Variants in CMIP observed in about 807,000 individuals in gnomAD.
CMIP encodes the protein C-Maf-inducing protein.
A neutral mutation model predicts 97.3 loss-of-function variants in CMIP; 13 were observed. The observed-to-expected ratio is 0.13, with a 90% CI of 0.09 to 0.21. The LOEUF is 0.21. Among genes scored for constraint, CMIP ranks in the 10% least tolerant of loss-of-function variants. The pLI, the probability that CMIP is intolerant of heterozygous loss-of-function variation, is 1.00. For synonymous variants in CMIP, 538 were observed against 436.3 expected (o/e 1.23, Z -2.91); for missense variants, 847 against 1,024.9 (o/e 0.83, Z 2.37).
chr16:81,523,209 CG>C (rs2090062666), intron 1 of CMIP, among the ~76,000 whole-genome samples: 1 of 152,198 alleles, frequency 6.6e-6, no homozygotes, highest in African/African-American at 2.4e-5. Context: ...TGTGAGCTAC[CG>C]CGCTTTGCTT....
chr16:81,520,985 T>C (rs2090014545), intron 1 of CMIP, among the ~76,000 whole-genome samples: 1 of 152,160 alleles, frequency 6.6e-6, no homozygotes, highest in Non-Finnish European at 1.5e-5. Context: ...GTGGCATGTG[T>C]CAGAAAAAGG....
At chr16:81,677,069 T>C (rs1040682585) in intron 9 of CMIP, among the ~76,000 whole-genome samples, 1 of 152,210 alleles carries the variant, frequency 6.6e-6, no homozygotes, top group African/African-American at 2.4e-5. Flanking sequence ...AACTGGGCTT[T>C]GGGATGTTTG....
rs1313687928 is a variant in CMIP at position 81,655,006 on chromosome 16, C to T, written c.639+2642C>T. The stretch of plus-strand genomic sequence containing the variant: ...TGTTTTCTGTAAATTGGGTCTGAGA[C>T]GAGTACCTATTTCACAGAATTGAAG... On this transcript the variant is annotated intron_variant, in intron 4 of 20. Coordinates refer to ENST00000537098, the MANE Select transcript of CMIP (RefSeq NM_198390.3). This position sits in a 1 kb window ranked among gnomAD's most constrained non-coding sequence, Gnocchi z 4.9. Among the ~76,000 whole-genome samples, 6 of 152,124 alleles carry T rather than the reference C, an allele frequency of 3.9e-5. No individual in the cohort carries two copies. Among genetic ancestry groups the T allele is most frequent in the African/African-American group, 1.2e-4 (5 of 41,414 alleles).
chr16:81,599,487 C>T (rs1481279366), intron 1 of CMIP, among the ~76,000 whole-genome samples: 4 of 152,336 alleles, frequency 2.6e-5, no homozygotes, highest in Middle Eastern at 3.4e-3. Flanking sequence ...GTCTGAGGAC[C>T]TGCTGCGTGG....
chr16:81,495,468 C>T (rs778918392), intron 1 of CMIP: 16 of 1,612,750 alleles, frequency 9.9e-6, no homozygotes, highest in East Asian at 4.5e-5. Context: ...CCCTGGCGTC[C>T]GGGGAAGGAT....
At chr16:81,686,658 T>C (rs937918870) in intron 10 of CMIP, among the ~76,000 whole-genome samples, 7 of 152,110 alleles carry the variant, frequency 4.6e-5, no homozygotes, top group African/African-American at 1.7e-4. Flanking sequence ...CAGGGTATGA[T>C]TGGGGTTCTG....
chr16:81,521,321 C>T (rs2090022410), intron 1 of CMIP, among the ~76,000 whole-genome samples: 1 of 152,044 alleles, frequency 6.6e-6, no homozygotes, highest in Non-Finnish European at 1.5e-5. Context: ...TGGTGATGGT[C>T]GGCAGTGGCA....
At chr16:81,676,173 G>A (rs1385961051) in intron 9 of CMIP, among the ~76,000 whole-genome samples, 1 of 152,178 alleles carries the variant, frequency 6.6e-6, no homozygotes, top group African/African-American at 2.4e-5. Flanking sequence ...GCTGCCTCGT[G>A]CCAGCCCTGG....
chr16:81,644,077 G>T (rs1235487942), intron 3 of CMIP, among the ~76,000 whole-genome samples: 2 of 152,162 alleles, frequency 1.3e-5, no homozygotes, highest in Admixed American at 6.5e-5. Flanking sequence ...TGACCCTATA[G>T]CCCTGACCTG....
intron 1 of CMIP, among the ~76,000 whole-genome samples, chr16:81,594,105 C>T (rs1323542888): frequency 8.1e-6 from 1 of 123,936 alleles, no homozygotes; most frequent in African/African-American, 3.1e-5. Flanking sequence ...TCCTCCCCCT[C>T]CTCCCCATTC....
In CMIP at chr16:81,520,569, G is replaced by GGGGA. The variant is rs370420453; in HGVS notation, c.300+75029_300+75030insGGAG. On this transcript the variant is annotated intron_variant, in intron 1 of 20. Coordinates refer to ENST00000537098, the MANE Select transcript of CMIP (RefSeq NM_198390.3). ...GAGAGAGGGAGGGAGGGAGGAAGGG[G>GGGGA]GAGAGAGAGAGAGAGAGAGAGAGAG... 119 of 107,002 alleles carry GGGGA rather than the reference G, an allele frequency of 1.1e-3. 2 individuals are homozygous for GGGGA. The highest frequency in any genetic ancestry group is 4.1e-3 in the African/African-American group (94 of 22,986). The allele number at this position is 107,002 out of a possible 1,614,324, so 6.6% of individuals were successfully genotyped here. A position where few individuals can be genotyped will look rare whatever the true frequency, so the allele number is the denominator to read the frequency against.
intron 1 of CMIP, among the ~76,000 whole-genome samples, chr16:81,587,437 G>T (rs904395936): frequency 1.3e-4 from 20 of 152,318 alleles, no homozygotes; most frequent in Admixed American, 9.1e-4. Flanking sequence ...GTGACCCAGT[G>T]GGGGGCCGGT....
intron 1 of CMIP, among the ~76,000 whole-genome samples, chr16:81,579,872 C>T (rs577735202): frequency 2.0e-5 from 3 of 152,318 alleles, no homozygotes; most frequent in East Asian, 1.9e-4. Flanking sequence ...CGGAGAATGG[C>T]GTGAACCCGG....
Position 81,710,277 on chromosome 16 carries a change from G to A in CMIP, c.*478G>A, listed in dbSNP as rs1273212089. 6 of 181,314 alleles carry A rather than the reference G, an allele frequency of 3.3e-5. No individual in the cohort carries two copies. Among genetic ancestry groups the A allele is most frequent in the Non-Finnish European group, 5.9e-5 (5 of 84,366 alleles). 11.2% of individuals were successfully genotyped at this position (181,314 alleles called of 1,614,324 possible). A position where few individuals can be genotyped will look rare whatever the true frequency, so the allele number is the denominator to read the frequency against. On this transcript the variant is annotated 3_prime_UTR_variant, in exon 21 of 21. Coordinates refer to ENST00000537098, the MANE Select transcript of CMIP (RefSeq NM_198390.3). ...AAGACCCAGTCACATCACTGCACCCGTCCTGTGTCCTCACCATTGCTATGC... is the reference window on the plus strand; with the variant it reads ...AAGACCCAGTCACATCACTGCACCCATCCTGTGTCCTCACCATTGCTATGC...
At chr16:81,466,764 G>T (rs770321159) in intron 1 of CMIP, among the ~76,000 whole-genome samples, 1 of 152,194 alleles carries the variant, frequency 6.6e-6, no homozygotes, top group South Asian at 2.1e-4. Flanking sequence ...TTCCCTGGGA[G>T]ACTTGGGCTG....
At chr16:81,570,636 G>A (rs1277832642) in intron 1 of CMIP, among the ~76,000 whole-genome samples, 1 of 152,126 alleles carries the variant, frequency 6.6e-6, no homozygotes, top group Non-Finnish European at 1.5e-5. Flanking sequence ...CCTGGGAGGA[G>A]AACCAGGGAT....
At chr16:81,522,099 C>T (rs1026094600) in intron 1 of CMIP, among the ~76,000 whole-genome samples, 2 of 152,192 alleles carry the variant, frequency 1.3e-5, no homozygotes, top group African/African-American at 4.8e-5. Context: ...CTTGATAAGG[C>T]TGCCACTGCC....
chr16:81,469,290 G>A (rs1464533844), intron 1 of CMIP, among the ~76,000 whole-genome samples: 1 of 152,362 alleles, frequency 6.6e-6, no homozygotes. Context: ...AAAACAGCAT[G>A]TTGGAAGTTC....
chr16:81,571,393 A>G (rs1026294024), intron 1 of CMIP, among the ~76,000 whole-genome samples: 1 of 152,012 alleles, frequency 6.6e-6, no homozygotes, highest in Admixed American at 6.6e-5. Context: ...TTTTGAGCCC[A>G]GGAATTTGAG....
Sources: gnomAD v4.1 joint callset for allele counts (sites outside exome capture counted in the v4.1 genomes callset) on GRCh38, gnomAD v4.1.1 for gene constraint, Gnocchi (gnomAD v3.1) non-coding constraint, MANE v1.5 for transcripts, NCBI Gene and HGNC (gene_info 2026-07-23, HGNC 2026-07-21) for gene names.